The following SMCO2 variants were observed in gnomAD, a reference collection of about 807,000 sequenced individuals.
SMCO2 encodes single-pass membrane and coiled-coil domain-containing protein 2.
Under a neutral mutation model 29.5 loss-of-function variants are expected in SMCO2, and 25 were observed. That is an observed-to-expected ratio of 0.85 (90% confidence interval 0.62 to 1.18). The LOEUF (loss-of-function observed/expected upper bound fraction) is 1.18, where lower values mean the gene tolerates loss of function less well. Among genes scored for constraint, SMCO2 ranks in the 50% most tolerant of loss-of-function variants. The pLI is 0.00. For missense variants in SMCO2, 348 were observed against 344.5 expected, an observed-to-expected ratio of 1.01 and a Z score of -0.08; for synonymous variants, 117 against 123.3, an observed-to-expected ratio of 0.95 and a Z score of 0.34.
In SMCO2 at chr12:27,495,897, C is replaced by A. The variant is rs544816724; in HGVS notation, c.683+42C>A. On this transcript the variant is annotated intron_variant, in intron 7 of 7. Coordinates refer to ENST00000298876, the Ensembl canonical transcript of SMCO2. Reference sequence around the variant, plus strand: ...GGCCATTCAGGGCTGGATGACTGCCCCAAAATGTATGGATTATGCTGGGAT... The same window carrying A: ...GGCCATTCAGGGCTGGATGACTGCCACAAAATGTATGGATTATGCTGGGAT... 4 of 1,347,552 alleles carry A rather than the reference C, an allele frequency of 3.0e-6. No homozygotes were observed. The African/African-American group carries it at 4.5e-5, about 15-fold the overall frequency. The allele number at this position is 1,347,552 out of a possible 1,614,324, so 83.5% of individuals were successfully genotyped here.
the SMCO2 span, among the ~76,000 whole-genome samples, chr12:27,452,786 C>T: frequency 6.6e-6 from 1 of 152,182 alleles, no homozygotes; most frequent in African/African-American, 2.4e-5. Context: ...CTATGCCTAG[C>T]CAGGTATCTT....
At chr12:27,425,762 G>T in the SMCO2 span, among the ~76,000 whole-genome samples, 1 of 152,094 alleles carries the variant, frequency 6.6e-6, no homozygotes, top group South Asian at 2.1e-4. Context: ...ACTTTCTGTT[G>T]TGTGGTTGCA....
exon 3 of SMCO2, chr12:27,472,785 G>T (rs1468226170): frequency 5.2e-6 from 8 of 1,550,452 alleles, no homozygotes; most frequent in Non-Finnish European, 7.0e-6. Flanking sequence ...GTTTGCTAAA[G>T]GAAATTATCA....
intron 5 of SMCO2, among the ~76,000 whole-genome samples, chr12:27,491,818 C>T (rs1380538885): frequency 6.6e-6 from 1 of 151,870 alleles, no homozygotes; most frequent in East Asian, 1.9e-4. Flanking sequence ...ATTCTCATGC[C>T]TCAGTCTCCC....
chr12:27,461,353 C>T, the SMCO2 span, among the ~76,000 whole-genome samples: 3 of 152,120 alleles, frequency 2.0e-5, no homozygotes, highest in Non-Finnish European at 4.4e-5. Context: ...ATTTCATCAT[C>T]GAGGTAATAG....
intron 4 of SMCO2, among the ~76,000 whole-genome samples, chr12:27,483,811 C>T (rs887611369): frequency 2.0e-5 from 3 of 152,100 alleles, no homozygotes; most frequent in African/African-American, 7.2e-5. Context: ...TAATATTTTA[C>T]CTCTTACATA....
the SMCO2 span, among the ~76,000 whole-genome samples, chr12:27,456,431 C>G: frequency 2.0e-5 from 3 of 151,996 alleles, no homozygotes; most frequent in South Asian, 6.2e-4. Context: ...CAATGAAAAA[C>G]TGTTCTTAGT....
At chr12:27,491,243 A>G (rs1347793629) in intron 5 of SMCO2, among the ~76,000 whole-genome samples, 3 of 152,220 alleles carry the variant, frequency 2.0e-5, no homozygotes, top group Non-Finnish European at 2.9e-5. Flanking sequence ...TAAAAAAGCA[A>G]AACAGAAACG....
In SMCO2 at chr12:27,472,887, A is replaced by G. The variant is rs1294328778; in HGVS notation, c.234+12A>G. The G allele has an allele frequency of 6.5e-7, 1 of 1,541,562 alleles. No individual in the cohort carries two copies. Among genetic ancestry groups the G allele is most frequent in the Admixed American group, 2.0e-5 (1 of 50,950 alleles). On this transcript the variant is annotated intron_variant, in intron 3 of 7. Coordinates refer to ENST00000298876, the Ensembl canonical transcript of SMCO2. ...ACTTCCTTCACAAGGTAGACACTGA[A>G]AAATGGGTAAGAGAGACACTTAAAT... is the stretch of plus-strand genomic sequence containing the variant.
chr12:27,489,609 G>A (rs431906), intron 5 of SMCO2, among the ~76,000 whole-genome samples: 18,674 of 152,148 alleles, frequency 0.12, 2,211 homozygotes, highest in African/African-American at 0.29. Context: ...AAAGGAAGGT[G>A]TCATTTATTT....
At chr12:27,502,118 C>A in exon 8 of SMCO2, 1 of 1,527,574 alleles carries the variant, frequency 6.5e-7, no homozygotes, top group South Asian at 1.2e-5. Context: ...TGTTACCCTC[C>A]TAAAGATACA....
chr12:27,470,784 T>C lies in SMCO2; in HGVS notation c.134+19T>C, dbSNP rs1191850722. 7.1e-6 allele frequency: 11 copies of C among 1,548,584 alleles called. No individual in the cohort carries two copies. In the South Asian group the frequency reaches 1.3e-4, roughly 18 times the overall value. On this transcript the variant is annotated intron_variant, in intron 2 of 7. Transcript: ENST00000298876. ...TGCAGGAGTAAGTCAGAACTGAGCT[T>C]GCAGAAGCAGTTTCTAGGGTCCCAA... is the stretch of plus-strand genomic sequence containing the variant.
At chr12:27,475,543 T>C in intron 4 of SMCO2, 39 bp from the exon 5 acceptor site, 3 of 1,499,492 alleles carry the variant, frequency 2.0e-6, no homozygotes, top group Non-Finnish European at 2.7e-6. Context: ...TTGTTTCCCA[T>C]TTTCTGCTTT....
At chr12:27,473,275 C>G (rs1408229800) in intron 3 of SMCO2, among the ~76,000 whole-genome samples, 1 of 152,144 alleles carries the variant, frequency 6.6e-6, no homozygotes, top group Non-Finnish European at 1.5e-5. Context: ...CCTAATGCAG[C>G]CTCCAGGAGA....
chr12:27,459,257 C>T, the SMCO2 span, among the ~76,000 whole-genome samples: 3 of 151,338 alleles, frequency 2.0e-5, no homozygotes, highest in African/African-American at 7.3e-5. Flanking sequence ...TGTATATGTA[C>T]CACAGACTAC....
the SMCO2 span, among the ~76,000 whole-genome samples, chr12:27,443,605 A>G: frequency 1.3e-5 from 2 of 152,226 alleles, no homozygotes; most frequent in African/African-American, 4.8e-5. Context: ...CAAATCTTAT[A>G]CCTAGAGAAA....
chr12:27,464,830 G>A (rs1450812697), upstream of SMCO2, among the ~76,000 whole-genome samples: 3 of 150,360 alleles, frequency 2.0e-5, no homozygotes, highest in African/African-American at 7.4e-5. Context: ...GACCATCCTG[G>A]CTAACACGGT....
At chr12:27,437,634 T>G in the SMCO2 span, among the ~76,000 whole-genome samples, 7 of 152,194 alleles carry the variant, frequency 4.6e-5, no homozygotes, top group Non-Finnish European at 8.8e-5. Flanking sequence ...TAAGTACAAC[T>G]GGCATGAACA....
At chr12:27,447,600 T>C in the SMCO2 span, among the ~76,000 whole-genome samples, 1 of 151,284 alleles carries the variant, frequency 6.6e-6, no homozygotes, top group Non-Finnish European at 1.5e-5. Flanking sequence ...CTATAAAAAA[T>C]ACAAAAACTT....
Sources: allele counts gnomAD v4.1 joint callset (sites outside exome capture counted in the v4.1 genomes callset), GRCh38; gene constraint gnomAD v4.1.1; transcripts MANE v1.5; gene names NCBI Gene and HGNC (gene_info 2026-07-23, HGNC 2026-07-21).